The following SOX6 variants were observed in gnomAD, a reference collection of about 807,000 sequenced individuals.
The protein encoded by SOX6 is SRY-box transcription factor 6.
Under a neutral mutation model 97.8 loss-of-function variants are expected in SOX6, and 11 were observed. The ratio of observed to expected loss-of-function variants is 0.11; its 90% confidence interval spans 0.07 to 0.19. The LOEUF is 0.19. Ranked by LOEUF, SOX6 falls within the 10% of genes least tolerant of loss-of-function variation. The pLI is 1.00. For synonymous variants in SOX6, 360 were observed against 371.4 expected (o/e 0.97, Z 0.35); for missense variants, 810 against 1,039.5 (o/e 0.78, Z 3.04).
chr11:16,506,201 G>A (rs1417140407), intron 4 of SOX6, among the ~76,000 whole-genome samples: 1 of 152,206 alleles, frequency 6.6e-6, no homozygotes, highest in Non-Finnish European at 1.5e-5. Flanking sequence ...GCTATATCCT[G>A]CACCACAGGG....
chr11:16,327,852 A>G (rs1043294276), intron 2 of SOX6, among the ~76,000 whole-genome samples: 1 of 152,162 alleles, frequency 6.6e-6, no homozygotes, highest in African/African-American at 2.4e-5. Flanking sequence ...GGGAGAAATG[A>G]CTGGGAAATG....
intron 4 of SOX6, among the ~76,000 whole-genome samples, chr11:16,485,984 A>C (rs1398271007): frequency 2.9e-4 from 1 of 3,418 alleles, no homozygotes; most frequent in Non-Finnish European, 4.6e-4. Flanking sequence ...AGGGGAGGGG[A>C]GGGGAGGGGA....
chr11:16,052,807 G>T (rs929079801), intron 10 of SOX6, among the ~76,000 whole-genome samples: 1 of 152,106 alleles, frequency 6.6e-6, no homozygotes, highest in South Asian at 2.1e-4. Flanking sequence ...CTAAGTAGGG[G>T]TAATTTTTCC....
chr11:16,346,838 G>T (rs1856789140), intron 1 of SOX6, among the ~76,000 whole-genome samples: 1 of 152,020 alleles, frequency 6.6e-6, no homozygotes, highest in South Asian at 2.1e-4. Flanking sequence ...GTCTAAGAAA[G>T]TGCTTAAATT....
chr11:16,686,218 A>G (rs1435401243), intron 3 of SOX6, among the ~76,000 whole-genome samples: 2 of 152,244 alleles, frequency 1.3e-5, no homozygotes, highest in African/African-American at 4.8e-5. Flanking sequence ...AGTTATGCAA[A>G]TATCTCTAGC....
intron 6 of SOX6, among the ~76,000 whole-genome samples, chr11:16,117,173 C>T (rs1455557500): frequency 6.6e-6 from 1 of 151,954 alleles, no homozygotes; most frequent in Non-Finnish European, 1.5e-5. Context: ...CATGGTGAGA[C>T]CCCTGTCTGT....
chr11:16,114,860 A>C (rs906277394), intron 6 of SOX6, among the ~76,000 whole-genome samples: 1 of 151,276 alleles, frequency 6.6e-6, no homozygotes, highest in African/African-American at 2.4e-5. Flanking sequence ...GAGACAACAG[A>C]AAAAGGTCAA....
intron 1 of SOX6, among the ~76,000 whole-genome samples, chr11:16,403,442 A>G (rs904409244): frequency 6.6e-6 from 1 of 151,920 alleles, no homozygotes; most frequent in East Asian, 1.9e-4. Context: ...TTGATGGACT[A>G]GTAGTTTTGT....
chr11:16,393,388 C>T (rs1858243365), intron 1 of SOX6, among the ~76,000 whole-genome samples: 2 of 145,946 alleles, frequency 1.4e-5, no homozygotes, highest in Non-Finnish European at 1.5e-5. Context: ...ATTAAAAATA[C>T]TTCCTGGCAT....
At chr11:16,584,673 C>T (rs899549291) in intron 4 of SOX6, among the ~76,000 whole-genome samples, 3 of 152,150 alleles carry the variant, frequency 2.0e-5, no homozygotes, top group Non-Finnish European at 2.9e-5. Flanking sequence ...ACCTAGTGGT[C>T]GAGCCTATAA....
chr11:16,494,663 T>C (rs1005423619), intron 4 of SOX6, among the ~76,000 whole-genome samples: 6 of 151,898 alleles, frequency 4.0e-5, no homozygotes, highest in African/African-American at 1.5e-4. Flanking sequence ...AATAGGGAAG[T>C]AATAGGAAAT....
At chr11:16,426,421 G>A (rs1199530757) in intron 1 of SOX6, among the ~76,000 whole-genome samples, 13 of 151,636 alleles carry the variant, frequency 8.6e-5, no homozygotes, top group South Asian at 2.1e-4. Context: ...ACAGGGCTAC[G>A]GTAACCAAAA....
chr11:16,577,192 A>G (rs899274309), intron 4 of SOX6: 1 of 152,222 alleles, frequency 6.6e-6, no homozygotes, highest in Non-Finnish European at 1.5e-5. Flanking sequence ...GAACCTCACA[A>G]CATGCAAATT....
rs555296991 is a variant in SOX6, at chr11:15,983,910, T to C, written c.2183+2294A>G. The stretch of plus-strand genomic sequence containing the variant: ...AAGCAGAGACTTCATTTTCTCCAAG[T>C]GCTAAGAGCTCTTGCTCAGATGGCA... On this transcript the variant is annotated intron_variant, in intron 15 of 15. Coordinates refer to ENST00000683767, the MANE Select transcript of SOX6 (RefSeq NM_001367873.1). 4.4e-4 allele frequency among the ~76,000 whole-genome samples: 67 copies of C among 152,232 alleles called. 1 individual carries two copies. The South Asian group carries it at 6.4e-3, about 15-fold the overall frequency.
chr11:16,645,824 G>A (rs773975857), intron 3 of SOX6, among the ~76,000 whole-genome samples: 1 of 152,104 alleles, frequency 6.6e-6, no homozygotes, highest in South Asian at 2.1e-4. Context: ...AGAACTGTGA[G>A]AATAAAATTC....
intron 9 of SOX6, among the ~76,000 whole-genome samples, chr11:16,067,507 T>A (rs1848121215): frequency 6.6e-6 from 1 of 152,168 alleles, no homozygotes; most frequent in Non-Finnish European, 1.5e-5. Context: ...TCTGCCATGA[T>A]TGTGAGGCCT....
At chr11:16,007,008 A>G (rs1030919478) in intron 13 of SOX6, among the ~76,000 whole-genome samples, 5 of 151,966 alleles carry the variant, frequency 3.3e-5, no homozygotes, top group Admixed American at 2.0e-4. Flanking sequence ...AATAGACAGC[A>G]GATAGTGAGT....
chr11:16,361,742 T>C (rs1487074574), intron 1 of SOX6, among the ~76,000 whole-genome samples: 2 of 152,170 alleles, frequency 1.3e-5, no homozygotes, highest in Non-Finnish European at 2.9e-5. Flanking sequence ...CTGATGAAGA[T>C]AGCAAGGAAA....
intron 1 of SOX6, among the ~76,000 whole-genome samples, chr11:16,394,929 T>C (rs1236275665): frequency 1.3e-5 from 2 of 151,742 alleles, no homozygotes; most frequent in East Asian, 3.9e-4. Flanking sequence ...GAAACAAAAA[T>C]GAAGAAAAGC....
Sources: allele counts gnomAD v4.1 joint callset (sites outside exome capture counted in the v4.1 genomes callset), GRCh38; gene constraint gnomAD v4.1.1; transcripts MANE v1.5; gene names NCBI Gene and HGNC (gene_info 2026-07-23, HGNC 2026-07-21).